The following HDAC9 variants were observed in gnomAD, a reference collection of about 807,000 sequenced individuals.
HDAC9 encodes histone deacetylase 9, also known as MEF-2 interacting transcription repressor (MITR) protein.
A neutral mutation model predicts 139.4 loss-of-function variants in HDAC9; 41 were observed. That is an observed-to-expected ratio of 0.29 (90% CI 0.23 to 0.38). HDAC9 has a LOEUF of 0.38. Among genes scored for constraint, HDAC9 ranks in the 10% least tolerant of loss-of-function variants. The pLI, the probability that HDAC9 is intolerant of heterozygous loss-of-function variation, is 1.00. For synonymous variants in HDAC9, 517 were observed against 476.2 expected (o/e 1.09, Z -1.12); for missense variants, 1,147 against 1,297.0 (o/e 0.88, Z 1.78).
intron 1 of HDAC9, among the ~76,000 whole-genome samples, chr7:18,328,208 G>T (rs976201379): frequency 2.0e-5 from 3 of 151,930 alleles, no homozygotes; most frequent in Non-Finnish European, 4.4e-5. Context: ...GTGATCACAG[G>T]AGATGTCAGC....
chr7:18,534,604 T>C (rs1460282341), intron 2 of HDAC9, among the ~76,000 whole-genome samples: 1 of 152,142 alleles, frequency 6.6e-6, no homozygotes, highest in African/African-American at 2.4e-5. Flanking sequence ...AGTGTCTGCA[T>C]TTCTCACCTT....
intron 2 of HDAC9, among the ~76,000 whole-genome samples, chr7:18,564,216 C>A (rs1025056302): frequency 6.6e-6 from 1 of 151,644 alleles, no homozygotes; most frequent in African/African-American, 2.4e-5. Flanking sequence ...AACAAGGAAA[C>A]AGTACAGTTG....
intron 1 of HDAC9, among the ~76,000 whole-genome samples, chr7:18,436,815 A>G (rs892413002): frequency 6.6e-6 from 1 of 152,226 alleles, no homozygotes; most frequent in African/African-American, 2.4e-5. Flanking sequence ...GGGAAGAAGT[A>G]GATGAATAAG....
At chr7:18,901,265 T>G (rs1801693988) in intron 22 of HDAC9, among the ~76,000 whole-genome samples, 1 of 149,154 alleles carries the variant, frequency 6.7e-6, no homozygotes, top group Admixed American at 6.7e-5. Flanking sequence ...CATATACATA[T>G]ATATATATAT....
intron 21 of HDAC9, among the ~76,000 whole-genome samples, chr7:18,856,095 T>A (rs1453792315): frequency 6.6e-6 from 1 of 152,144 alleles, no homozygotes; most frequent in Admixed American, 6.6e-5. Context: ...TCATGGGAGA[T>A]GAATCCTGCT....
At chr7:18,896,684 T>C (rs985570373) in intron 22 of HDAC9, among the ~76,000 whole-genome samples, 26 of 152,042 alleles carry the variant, frequency 1.7e-4, no homozygotes, top group African/African-American at 6.3e-4. Flanking sequence ...TTTAACAATG[T>C]GTTATAAGAT....
intron 25 of HDAC9, among the ~76,000 whole-genome samples, chr7:18,993,376 C>CACTG (rs1240780379): frequency 2.6e-5 from 4 of 152,166 alleles, no homozygotes; most frequent in South Asian, 2.1e-4. Context: ...AATCTAGAGA[C>CACTG]ACTGACTGAC....
At chr7:18,662,976 T>C (rs1016157150) in intron 11 of HDAC9, among the ~76,000 whole-genome samples, 6 of 152,014 alleles carry the variant, frequency 3.9e-5, no homozygotes, top group Admixed American at 6.6e-5. Flanking sequence ...AAAACCCATA[T>C]TGAAAGGAGC....
At chr7:18,251,621 C>T (rs776953167) in intron 2 of HDAC9, among the ~76,000 whole-genome samples, 1 of 152,110 alleles carries the variant, frequency 6.6e-6, no homozygotes, top group Non-Finnish European at 1.5e-5. Context: ...ACTCTAAAAA[C>T]AAATGAAAGT....
At chr7:18,780,832 A>G (rs145653551) in intron 16 of HDAC9, among the ~76,000 whole-genome samples, 1 of 152,150 alleles carries the variant, frequency 6.6e-6, no homozygotes, top group Non-Finnish European at 1.5e-5. Flanking sequence ...CCATAACCCT[A>G]TGCCTAGGAC....
At chr7:18,241,825 C>T (rs907315706) in intron 2 of HDAC9, among the ~76,000 whole-genome samples, 9 of 152,068 alleles carry the variant, frequency 5.9e-5, no homozygotes, top group East Asian at 1.9e-4. Flanking sequence ...GCACTTGCTT[C>T]GTGAGCCAAA....
intron 13 of HDAC9, among the ~76,000 whole-genome samples, chr7:18,746,692 C>G (rs920261983): frequency 2.0e-5 from 3 of 152,144 alleles, no homozygotes; most frequent in African/African-American, 7.2e-5. Flanking sequence ...CATTCATTTA[C>G]AGTTTTCATT....
At chr7:18,887,129 G>A (rs1800226302) in intron 22 of HDAC9, among the ~76,000 whole-genome samples, 2 of 151,988 alleles carry the variant, frequency 1.3e-5, no homozygotes, top group Admixed American at 1.3e-4. Flanking sequence ...TCCCTCTATA[G>A]GAAGTTCTCC....
chr7:18,714,951 CA>C (rs1451046453), intron 12 of HDAC9, among the ~76,000 whole-genome samples: 2 of 152,130 alleles, frequency 1.3e-5, no homozygotes, highest in Non-Finnish European at 2.9e-5. Flanking sequence ...GAAATAATTA[CA>C]AAAGTGTTTT....
intron 1 of HDAC9, among the ~76,000 whole-genome samples, chr7:18,410,678 G>T (rs1426060822): frequency 2.0e-5 from 3 of 152,068 alleles, no homozygotes; most frequent in Non-Finnish European, 4.4e-5. Flanking sequence ...CAGTAGAGTT[G>T]ACAGGAATGT....
chr7:18,676,760 C>T (rs999544094), intron 12 of HDAC9, among the ~76,000 whole-genome samples: 1 of 151,420 alleles, frequency 6.6e-6, no homozygotes, highest in East Asian at 1.9e-4. Flanking sequence ...TATTTTATGT[C>T]TTTATATGTT....
intron 1 of HDAC9, among the ~76,000 whole-genome samples, chr7:18,396,376 T>G (rs2128728896): frequency 6.6e-6 from 1 of 152,240 alleles, no homozygotes; most frequent in East Asian, 1.9e-4. Flanking sequence ...CAGGATGCTG[T>G]AGAAGGGTGG....
At position 18,466,050 on chromosome 7, in the gene HDAC9, A is replaced by G. The variant is rs899664638; in HGVS notation, c.-41-30212A>G. Among the ~76,000 whole-genome samples, 22 of 152,316 alleles carry G rather than the reference A, an allele frequency of 1.4e-4. No individual in the cohort carries two copies. In the South Asian group the frequency reaches 2.5e-3, roughly 17 times the overall value. On this transcript the variant is annotated intron_variant, in intron 1 of 3. Transcript: ENST00000413509. ...TTGGCTATGTTCTTTGCTGGAGGCT[A>G]TAAGGGAGAAATCAGCTTGTTGCTC...
At chr7:18,942,355 C>G (rs965638486) in intron 23 of HDAC9, among the ~76,000 whole-genome samples, 7 of 151,910 alleles carry the variant, frequency 4.6e-5, no homozygotes, top group Non-Finnish European at 1.0e-4. Flanking sequence ...GTGGATGGCT[C>G]TGTTTGGATT....
Sources: gnomAD v4.1 joint callset for allele counts (sites outside exome capture counted in the v4.1 genomes callset) on GRCh38, gnomAD v4.1.1 for gene constraint, MANE v1.5 for transcripts, NCBI Gene and HGNC (gene_info 2026-07-23, HGNC 2026-07-21) for gene names.